Variants in AFF3 observed in about 807,000 individuals in gnomAD.
AFF3 encodes ALF transcription elongation factor 3, also known as AF4/FMR2 family member 3.
In AFF3, 32 loss-of-function variants were observed where a neutral mutation model predicts 129.7. That is an observed-to-expected ratio of 0.25 (90% CI 0.19 to 0.33). The LOEUF is 0.33. Among genes scored for constraint, AFF3 ranks in the 10% least tolerant of loss-of-function variants. The pLI is 1.00. For synonymous variants in AFF3, 644 were observed against 635.4 expected (o/e 1.01, Z -0.20); for missense variants, 1,373 against 1,592.0 (o/e 0.86, Z 2.34).
chr2:99,845,432 A>G (rs1689648118), intron 7 of AFF3, among the ~76,000 whole-genome samples: 1 of 152,216 alleles, frequency 6.6e-6, no homozygotes, highest in African/African-American at 2.4e-5. Flanking sequence ...TATTGATGGC[A>G]TGAAGAGATG....
chr2:99,983,122 A>G (rs1470442151), intron 7 of AFF3, among the ~76,000 whole-genome samples: 3 of 152,238 alleles, frequency 2.0e-5, no homozygotes, highest in African/African-American at 7.2e-5. Context: ...GAGATTAGAA[A>G]TGTATTAAAT....
intron 13 of AFF3, among the ~76,000 whole-genome samples, chr2:99,611,602 C>G (rs1412124112): frequency 6.6e-6 from 1 of 151,928 alleles, no homozygotes; most frequent in African/African-American, 2.4e-5. Flanking sequence ...TTATTGTCTA[C>G]AAGTTTCCCA....
intron 4 of AFF3, among the ~76,000 whole-genome samples, chr2:100,043,527 T>C (rs1388858003): frequency 6.6e-6 from 1 of 152,036 alleles, no homozygotes; most frequent in Non-Finnish European, 1.5e-5. Context: ...AAGATGAAAA[T>C]AGTTTCACTG....
At chr2:99,597,594 TC>T (rs1261449680) in intron 14 of AFF3, among the ~76,000 whole-genome samples, 1 of 152,130 alleles carries the variant, frequency 6.6e-6, no homozygotes, top group Non-Finnish European at 1.5e-5. Context: ...ATCATCATTT[TC>T]CCCCCGACAA....
At chr2:100,071,867 C>G (rs1357915132) in intron 4 of AFF3, among the ~76,000 whole-genome samples, 3 of 152,136 alleles carry the variant, frequency 2.0e-5, no homozygotes, top group Admixed American at 2.0e-4. Flanking sequence ...ATTCAAGGCA[C>G]GTACTGTACA....
At position 99,916,619 on chromosome 2, in the gene AFF3, T is replaced by C. The variant is rs1167385557; in HGVS notation, c.874-79095A>G. Among the ~76,000 whole-genome samples the C allele has an allele frequency of 4.6e-5, 7 of 152,262 alleles. No individual in the cohort carries two copies. The South Asian group carries it at 8.3e-4, about 18-fold the overall frequency. ...CAAGATCTTCCAACAGGTTCTCCAATGGCCTGCAGTATGCAAGCACAGTAC... is the reference window on the plus strand; with the variant it reads ...CAAGATCTTCCAACAGGTTCTCCAACGGCCTGCAGTATGCAAGCACAGTAC... On this transcript the variant is annotated intron_variant, in intron 7 of 24. Coordinates refer to ENST00000672756, the MANE Select transcript of AFF3 (RefSeq NM_001386135.1).
At chr2:100,030,042 G>A (rs1448033522) in intron 4 of AFF3, among the ~76,000 whole-genome samples, 1 of 151,258 alleles carries the variant, frequency 6.6e-6, no homozygotes, top group Non-Finnish European at 1.5e-5. Context: ...ACGCCATCCT[G>A]GGCGAGAGAG....
chr2:100,044,629 C>T (rs111338633), intron 4 of AFF3, among the ~76,000 whole-genome samples: 10 of 152,186 alleles, frequency 6.6e-5, no homozygotes, highest in African/African-American at 2.4e-4. Flanking sequence ...TAGACAGATG[C>T]TTGCTGGTTC....
chr2:100,061,112 C>T (rs1446453939), intron 4 of AFF3, among the ~76,000 whole-genome samples: 2 of 152,138 alleles, frequency 1.3e-5, no homozygotes, highest in Admixed American at 6.5e-5. Context: ...GTGACATAGT[C>T]GATGTGAACT....
At chr2:99,868,909 C>T (rs1022103283) in intron 7 of AFF3, among the ~76,000 whole-genome samples, 1 of 152,168 alleles carries the variant, frequency 6.6e-6, no homozygotes, top group African/African-American at 2.4e-5. Flanking sequence ...CCTCTGGCCT[C>T]AGCTTCCTGA....
chr2:100,061,855 GGA>G (rs67048818), intron 4 of AFF3, among the ~76,000 whole-genome samples: 11,564 of 117,200 alleles, frequency 0.099, 939 homozygotes, highest in Non-Finnish European at 0.14. Flanking sequence ...GTAGCACAGT[GGA>G]GGGGGGGGGG....
chr2:99,918,814 T>C (rs939051380), intron 7 of AFF3, among the ~76,000 whole-genome samples: 4 of 152,176 alleles, frequency 2.6e-5, no homozygotes, highest in Admixed American at 1.3e-4. Context: ...AAGGTTGTTA[T>C]ACAAATGAAT....
At chr2:99,730,832 C>T (rs562164378) in intron 10 of AFF3, among the ~76,000 whole-genome samples, 158 of 152,144 alleles carry the variant, frequency 1.0e-3, no homozygotes, top group African/African-American at 3.7e-3. Context: ...CACATTTCTA[C>T]ACAGTTATAT....
intron 4 of AFF3, among the ~76,000 whole-genome samples, chr2:100,076,256 T>C (rs1352199303): frequency 6.6e-6 from 1 of 152,180 alleles, no homozygotes; most frequent in Admixed American, 6.5e-5. Context: ...TCTTATCTAA[T>C]GCAGTGACAA....
chr2:99,729,259 G>A (rs1679609160), intron 10 of AFF3, among the ~76,000 whole-genome samples: 1 of 152,198 alleles, frequency 6.6e-6, no homozygotes, highest in Non-Finnish European at 1.5e-5. Context: ...TTGTTTGGAT[G>A]TTTGAAGAAA....
At chr2:99,787,571 T>C (rs970333734) in intron 8 of AFF3, among the ~76,000 whole-genome samples, 1 of 152,170 alleles carries the variant, frequency 6.6e-6, no homozygotes, top group African/African-American at 2.4e-5. Context: ...AAACAAATCA[T>C]TTAGTCACTT....
chr2:99,937,724 G>A (rs899398391), intron 7 of AFF3, among the ~76,000 whole-genome samples: 2 of 152,134 alleles, frequency 1.3e-5, no homozygotes, highest in Non-Finnish European at 2.9e-5. Flanking sequence ...CAGAGAAGAT[G>A]TAAAAACAGT....
chr2:100,074,042 C>T lies in AFF3; in HGVS notation c.53+30360G>A, dbSNP rs13405901. 3.6e-3 allele frequency among the ~76,000 whole-genome samples: 541 copies of T among 152,290 alleles called. 4 individuals carry two copies. Among genetic ancestry groups the T allele is most frequent in the African/African-American group, 0.012 (516 of 41,568 alleles). On this transcript the variant is annotated intron_variant, in intron 4 of 24. Coordinates refer to ENST00000672756, the MANE Select transcript of AFF3 (RefSeq NM_001386135.1). ...AGGAGACTGAGTAGAAAACTGCGAA[C>T]GACCACCACCCCTGGTCCCTTGTTG...
chr2:100,033,653 A>T (rs1684688991), intron 4 of AFF3, among the ~76,000 whole-genome samples: 1 of 152,310 alleles, frequency 6.6e-6, no homozygotes, highest in East Asian at 1.9e-4. Context: ...ATGATAATCA[A>T]TTCTGATTTG....
Sources: gnomAD v4.1 joint callset for allele counts (sites outside exome capture counted in the v4.1 genomes callset) on GRCh38, gnomAD v4.1.1 for gene constraint, MANE v1.5 for transcripts, NCBI Gene and HGNC (gene_info 2026-07-23, HGNC 2026-07-21) for gene names.